NCALD: variants seen among roughly 807,000 people sequenced by gnomAD.
NCALD encodes neurocalcin delta.
NCALD carries 10 observed loss-of-function variants against 18.6 expected under a neutral mutation model. The observed-to-expected ratio is 0.54, with a 90% CI of 0.33 to 0.91. The LOEUF is 0.91. NCALD is among the 40% of genes least tolerant of loss of function. NCALD has a pLI of 0.03. For synonymous variants in NCALD, 88 were observed against 87.4 expected (o/e 1.01, Z -0.04); for missense variants, 184 against 247.6 (o/e 0.74, Z 1.72).
At chr8:101,979,792 A>G (rs1011165777) in intron 2 of NCALD, among the ~76,000 whole-genome samples, 3 of 152,236 alleles carry the variant, frequency 2.0e-5, no homozygotes, top group Non-Finnish European at 2.9e-5. Context: ...AGAAATCCCT[A>G]TCGACAGTGT....
At chr8:102,086,179 T>C (rs1299852747) in intron 1 of NCALD, among the ~76,000 whole-genome samples, 1 of 152,228 alleles carries the variant, frequency 6.6e-6, no homozygotes, top group Non-Finnish European at 1.5e-5. Flanking sequence ...CACTTGAGCA[T>C]TGCTCATCTG....
Position 101,687,000 on chromosome 8 carries a change from C to CA in NCALD, c.*2308dup, listed in dbSNP as rs763863181. On this transcript the variant is annotated 3_prime_UTR_variant, in exon 4 of 4. Coordinates refer to ENST00000220931, the MANE Select transcript of NCALD (RefSeq NM_032041.3). ...AAAACAACCTCCGAGAAAATACAGA[C>CA]AGGGTCAGTGGCAGGCCAGGACAGG... The CA allele has an allele frequency of 6.6e-5, 10 of 152,420 alleles. No homozygotes were observed. The East Asian group carries it at 1.7e-3, about 26-fold the overall frequency. 9.4% of individuals were successfully genotyped at this position (152,420 alleles called of 1,614,324 possible). A position where few individuals can be genotyped will look rare whatever the true frequency, so the allele number is the denominator to read the frequency against.
At chr8:101,804,574 ATAAT>A (rs1158449398) in intron 4 of NCALD, among the ~76,000 whole-genome samples, 1 of 121,896 alleles carries the variant, frequency 8.2e-6, no homozygotes, top group Non-Finnish European at 1.6e-5. Flanking sequence ...TATAATTAAT[ATAAT>A]TAATTATATA....
At chr8:101,752,714 A>T (rs1810711696) in intron 1 of NCALD, among the ~76,000 whole-genome samples, 1 of 152,258 alleles carries the variant, frequency 6.6e-6, no homozygotes, top group African/African-American at 2.4e-5. Context: ...GGTGTGATAA[A>T]TAACGGATAA....
intron 4 of NCALD, among the ~76,000 whole-genome samples, chr8:101,801,110 A>T (rs913020991): frequency 2.0e-5 from 3 of 151,976 alleles, no homozygotes; most frequent in African/African-American, 4.8e-5. Context: ...AAGAAAGAGA[A>T]AGAAACAAAG....
intron 1 of NCALD, among the ~76,000 whole-genome samples, chr8:101,725,456 A>G (rs1816531626): frequency 6.6e-6 from 1 of 152,060 alleles, no homozygotes. Flanking sequence ...AATCCTCCAC[A>G]TTTATCACCT....
intron 1 of NCALD, among the ~76,000 whole-genome samples, chr8:101,747,349 G>A (rs1810469105): frequency 6.6e-6 from 1 of 152,132 alleles, no homozygotes; most frequent in Non-Finnish European, 1.5e-5. Flanking sequence ...TTGCTAATAA[G>A]ATGGAACACA....
At chr8:101,833,763 A>C (rs898736204) in intron 4 of NCALD, among the ~76,000 whole-genome samples, 1 of 152,178 alleles carries the variant, frequency 6.6e-6, no homozygotes, top group Non-Finnish European at 1.5e-5. Flanking sequence ...AAAGTGTGTA[A>C]AACTGGTGAA....
intron 2 of NCALD, among the ~76,000 whole-genome samples, chr8:101,936,884 T>C (rs1375817548): frequency 6.6e-6 from 1 of 152,228 alleles, no homozygotes. Context: ...TTGTCTCTTG[T>C]ATCCTATCTG....
chr8:101,691,338 A>G (rs1327377385), intron 3 of NCALD: 3 of 985,292 alleles, frequency 3.0e-6, no homozygotes, highest in African/African-American at 1.7e-5. Context: ...CTTTAGCAGT[A>G]AGTTGTGCTC....
chr8:101,776,881 A>G (rs957468650), intron 1 of NCALD, among the ~76,000 whole-genome samples: 111 of 152,276 alleles, frequency 7.3e-4, no homozygotes, highest in African/African-American at 2.5e-3. Flanking sequence ...AAACAGCTCT[A>G]TTTAGACCTG....
At position 101,881,144 on chromosome 8, in the gene NCALD, G is replaced by A. The variant is rs115652205; in HGVS notation, c.-20+5997C>T. ...TTTCACTTTCATAAAACCACCTAAC[G>A]AAATATCTATTAAAATAAAAAAATA... On this transcript the variant is annotated intron_variant, in intron 4 of 6. Transcript: ENST00000311028. 9.4e-3 allele frequency among the ~76,000 whole-genome samples: 1,426 copies of A among 151,868 alleles called. 20 individuals are homozygous for A. Among genetic ancestry groups the A allele is most frequent in the African/African-American group, 0.033 (1,369 of 41,404 alleles).
upstream of NCALD, among the ~76,000 whole-genome samples, chr8:101,791,771 T>TC (rs1812455811): frequency 6.6e-6 from 1 of 152,136 alleles, no homozygotes; most frequent in African/African-American, 2.4e-5. Context: ...TGCCAAATGC[T>TC]CCCCTCTTGA....
Position 102,032,454 on chromosome 8 carries a change from G to A in NCALD, c.-209-12165C>T, listed in dbSNP as rs183389191. Among the ~76,000 whole-genome samples the A allele has an allele frequency of 4.7e-3, 715 of 151,636 alleles. 5 individuals are homozygous for A. Among genetic ancestry groups the A allele is most frequent in the African/African-American group, 0.015 (596 of 41,028 alleles). ...CTCAGGGATGGCCCTGAAAGATAGCGTAGAGAGAAAATCCTCCCAGTTGGC... is the reference window on the plus strand; with the variant it reads ...CTCAGGGATGGCCCTGAAAGATAGCATAGAGAGAAAATCCTCCCAGTTGGC... On this transcript the variant is annotated intron_variant, in intron 1 of 6. Transcript: ENST00000311028.
chr8:101,896,256 C>T (rs1450099580), intron 3 of NCALD, among the ~76,000 whole-genome samples: 1 of 152,014 alleles, frequency 6.6e-6, no homozygotes, highest in Non-Finnish European at 1.5e-5. Context: ...GAAAAACAAG[C>T]AATGGGGAAA....
At chr8:101,956,770 G>A (rs1819644030) in intron 2 of NCALD, among the ~76,000 whole-genome samples, 1 of 151,968 alleles carries the variant, frequency 6.6e-6, no homozygotes, top group Non-Finnish European at 1.5e-5. Context: ...AAAAATGATT[G>A]AAAAAAGAAC....
intron 4 of NCALD, among the ~76,000 whole-genome samples, chr8:101,827,609 C>A (rs1813993790): frequency 6.6e-6 from 1 of 152,218 alleles, no homozygotes; most frequent in Non-Finnish European, 1.5e-5. Flanking sequence ...GGGATTCACA[C>A]TGCATTCTGT....
At chr8:101,870,119 A>G (rs556910247) in intron 4 of NCALD, among the ~76,000 whole-genome samples, 1 of 152,384 alleles carries the variant, frequency 6.6e-6, no homozygotes, top group African/African-American at 2.4e-5. Flanking sequence ...CCAGACGAAG[A>G]GGGGACTCAA....
intron 2 of NCALD, among the ~76,000 whole-genome samples, chr8:101,711,483 AGC>A (rs753378020): frequency 1.3e-5 from 2 of 152,082 alleles, no homozygotes; most frequent in Non-Finnish European, 2.9e-5. Flanking sequence ...GAGCTAAAGG[AGC>A]ATGTTCTAAC....
Sources: allele counts gnomAD v4.1 joint callset (sites outside exome capture counted in the v4.1 genomes callset), GRCh38; gene constraint gnomAD v4.1.1; transcripts MANE v1.5; gene names NCBI Gene and HGNC (gene_info 2026-07-23, HGNC 2026-07-21).